The following DRC8 variants were observed in gnomAD, a reference collection of about 807,000 sequenced individuals.
DRC8 encodes the protein dynein regulatory complex subunit 8.
At chr1:245,089,053 G>C in the DRC8 span, among the ~76,000 whole-genome samples, 1 of 152,172 alleles carries the variant, frequency 6.6e-6, no homozygotes, top group African/African-American at 2.4e-5. This position sits in a 1 kb window ranked among gnomAD's most constrained non-coding sequence, Gnocchi z 4.8. Flanking sequence ...AAATAGATTT[G>C]AAAGGTCAAG....
At chr1:244,983,904 AT>A in the DRC8 span, among the ~76,000 whole-genome samples, 16 of 149,780 alleles carry the variant, frequency 1.1e-4, no homozygotes, top group East Asian at 3.9e-4. Flanking sequence ...TTATACAAGG[AT>A]TTTTTTTTTG....
chr1:245,027,237 A>G, the DRC8 span, among the ~76,000 whole-genome samples: 1 of 145,422 alleles, frequency 6.9e-6, no homozygotes, highest in Non-Finnish European at 1.5e-5. Flanking sequence ...TCCAAATTCT[A>G]CTTCCTGAAA....
chr1:245,025,019 A>G, the DRC8 span, among the ~76,000 whole-genome samples: 2 of 146,744 alleles, frequency 1.4e-5, no homozygotes, highest in African/African-American at 5.0e-5. Context: ...CTATCTTTTC[A>G]CTCTACTTTT....
the DRC8 span, among the ~76,000 whole-genome samples, chr1:245,112,370 G>A: frequency 2.6e-5 from 4 of 152,190 alleles, no homozygotes; most frequent in East Asian, 5.8e-4. Flanking sequence ...TACTGCACCC[G>A]GCCTTATTTG....
the DRC8 span, chr1:244,969,979 T>C: frequency 9.6e-6 from 5 of 522,644 alleles, no homozygotes; most frequent in East Asian, 1.8e-4. Context: ...CTTTTCAAAA[T>C]CTGCAGTTAA....
chr1:245,085,415 G>C, the DRC8 span, among the ~76,000 whole-genome samples: 1 of 152,210 alleles, frequency 6.6e-6, no homozygotes, highest in African/African-American at 2.4e-5. Context: ...TGAATGAGTA[G>C]ATGATGAAGA....
chr1:245,023,248 A>G, the DRC8 span: 1 of 152,208 alleles, frequency 6.6e-6, no homozygotes, highest in African/African-American at 2.4e-5. Context: ...TTGTATTTAT[A>G]TCCCACATTT....
the DRC8 span, among the ~76,000 whole-genome samples, chr1:245,000,821 G>A: frequency 6.6e-6 from 1 of 151,948 alleles, no homozygotes; most frequent in African/African-American, 2.4e-5. Context: ...TAATACCTAA[G>A]AGGTGCTCAA....
chr1:245,116,390 A>C, the DRC8 span, among the ~76,000 whole-genome samples: 2 of 152,110 alleles, frequency 1.3e-5, no homozygotes, highest in African/African-American at 2.4e-5. Context: ...CTTGCCTCTT[A>C]AAAACAAAAC....
At chr1:245,078,661 C>T in the DRC8 span, among the ~76,000 whole-genome samples, 10,151 of 151,788 alleles carry the variant, frequency 0.067, 384 homozygotes, top group Non-Finnish European at 0.08. Context: ...GGTAGTTAAC[C>T]GGGGGTGGGG....
chr1:245,090,904 G>A, the DRC8 span: 4 of 152,206 alleles, frequency 2.6e-5, no homozygotes, highest in African/African-American at 9.7e-5. Context: ...AAAAAATAGT[G>A]AGTAAAAACG....
At chr1:245,007,293 G>T in the DRC8 span, among the ~76,000 whole-genome samples, 8 of 151,994 alleles carry the variant, frequency 5.3e-5, no homozygotes, top group African/African-American at 1.9e-4. Context: ...GTTTCAAAGA[G>T]AACAAAATAA....
At chr1:244,978,869 T>A in the DRC8 span, among the ~76,000 whole-genome samples, 1 of 152,290 alleles carries the variant, frequency 6.6e-6, no homozygotes, top group Non-Finnish European at 1.5e-5. Context: ...TGCCTTTTTT[T>A]TTATTCTTTT....
chr1:244,975,255 C>T, the DRC8 span, among the ~76,000 whole-genome samples: 2 of 152,116 alleles, frequency 1.3e-5, no homozygotes, highest in South Asian at 2.1e-4. Context: ...AAGTGATCTG[C>T]CTGCCTTGGC....
the DRC8 span, among the ~76,000 whole-genome samples, chr1:245,033,470 A>G: frequency 2.0e-5 from 3 of 152,104 alleles, no homozygotes; most frequent in Non-Finnish European, 4.4e-5. Flanking sequence ...AAAACTAAAA[A>G]ATTTCCACCC....
the DRC8 span, among the ~76,000 whole-genome samples, chr1:245,026,998 T>C: frequency 1.3e-5 from 2 of 152,218 alleles, no homozygotes; most frequent in Admixed American, 6.5e-5. Context: ...TGTGGCAAGA[T>C]GTTAACATCT....
chr1:245,124,082 G>C, the DRC8 span: 1 of 169,810 alleles, frequency 5.9e-6, no homozygotes, highest in African/African-American at 2.4e-5. Flanking sequence ...CTTAAGCCAG[G>C]TTTCTTTACC....
the DRC8 span, among the ~76,000 whole-genome samples, chr1:245,097,015 GA>G: frequency 6.6e-6 from 1 of 151,472 alleles, no homozygotes; most frequent in East Asian, 1.9e-4. The surrounding 1 kb of genome is among the most constrained non-coding windows in gnomAD (Gnocchi z 5.0). Flanking sequence ...AATATCTGCT[GA>G]ATGAATGAAT....
chr1:244,973,498 A>G, the DRC8 span, among the ~76,000 whole-genome samples: 1 of 152,214 alleles, frequency 6.6e-6, no homozygotes, highest in African/African-American at 2.4e-5. Flanking sequence ...TGAGATTTTA[A>G]CCAAAGCATT....
Sources: allele counts gnomAD v4.1 joint callset (sites outside exome capture counted in the v4.1 genomes callset), GRCh38; gene constraint gnomAD v4.1.1; non-coding constraint Gnocchi (gnomAD v3.1); transcripts MANE v1.5; gene names NCBI Gene and HGNC (gene_info 2026-07-23, HGNC 2026-07-21).